COL14A1: variants seen among roughly 807,000 people sequenced by gnomAD.
The protein encoded by COL14A1 is collagen type XIV alpha 1 chain, also known as collagen alpha-1(XIV) chain.
COL14A1 carries 136 observed loss-of-function variants against 230.3 expected under a neutral mutation model. The ratio of observed to expected loss-of-function variants is 0.59; its 90% confidence interval spans 0.51 to 0.68. COL14A1 has a LOEUF of 0.68. Among genes scored for constraint, COL14A1 ranks in the 30% least tolerant of loss-of-function variants. COL14A1 has a pLI of 0.00. For missense variants in COL14A1, 1,976 were observed against 2,215.8 expected (o/e 0.89, Z 2.17); for synonymous variants, 792 against 784.1 (o/e 1.01, Z -0.17).
At chr8:120,349,754 A>T (rs7841660) in intron 45 of COL14A1, among the ~76,000 whole-genome samples, 1 of 100,324 alleles carries the variant, frequency 1.0e-5, no homozygotes, top group Non-Finnish European at 2.0e-5. Flanking sequence ...CCAAATCTAC[A>T]TCTGATTGGT....
rs1814280845 is a variant in COL14A1 at position 120,125,139 on chromosome 8, G to A, written c.-239G>A. 6.6e-6 allele frequency: 1 copy of A among 152,520 alleles called. No individual in the cohort carries two copies. 9.4% of individuals were successfully genotyped at this position (152,520 alleles called of 1,614,324 possible). On this transcript the variant is annotated 5_prime_UTR_variant, in exon 1 of 48. Transcript: ENST00000297848. ...TCCTGGGCTCCCAGCTGGAGAGGCG[G>A]AGGCAGCTCCAGGGGGCTGGAAGTG... is the stretch of plus-strand genomic sequence containing the variant.
chr8:120,317,577 A>T (rs984233618), intron 40 of COL14A1, among the ~76,000 whole-genome samples: 6 of 152,350 alleles, frequency 3.9e-5, no homozygotes, highest in African/African-American at 1.2e-4. Context: ...ACACACCTGG[A>T]TTCCTTCGTG....
intron 1 of COL14A1, among the ~76,000 whole-genome samples, chr8:120,130,596 C>A (rs373759583): frequency 1.3e-5 from 2 of 151,894 alleles, no homozygotes; most frequent in South Asian, 4.2e-4. Flanking sequence ...AGAAAGCCTA[C>A]GTGTACAAGG....
chr8:120,292,076 A>G (rs1324402423), intron 34 of COL14A1, among the ~76,000 whole-genome samples: 1 of 152,136 alleles, frequency 6.6e-6, no homozygotes, highest in Non-Finnish European at 1.5e-5. Context: ...CAATAGTCCC[A>G]TAATATATAT....
intron 26 of COL14A1, among the ~76,000 whole-genome samples, chr8:120,275,213 G>A (rs1440602470): frequency 3.3e-5 from 5 of 151,652 alleles, no homozygotes; most frequent in Admixed American, 1.3e-4. Flanking sequence ...AACTGATCTT[G>A]GACAAAACAT....
chr8:120,366,932 A>G (rs1823422608), intron 45 of COL14A1, among the ~76,000 whole-genome samples: 1 of 152,200 alleles, frequency 6.6e-6, no homozygotes, highest in South Asian at 2.1e-4. Flanking sequence ...AGAAAGAGAG[A>G]CTGGCAGAAT....
At chr8:120,323,731 G>A (rs577995294) in intron 40 of COL14A1, among the ~76,000 whole-genome samples, 5 of 152,176 alleles carry the variant, frequency 3.3e-5, no homozygotes, top group Non-Finnish European at 5.9e-5. Context: ...AGTTGTTGGT[G>A]TGTGGTCTTA....
chr8:120,228,871 C>A (rs1818172717), intron 18 of COL14A1, 102 bp downstream of exon 18: 22 of 1,004,768 alleles, frequency 2.2e-5, no homozygotes, highest in Admixed American at 4.0e-5. Flanking sequence ...AAAGAGATGA[C>A]CCTCCCTTCC....
At chr8:120,335,303 A>T (rs1234865102) in intron 42 of COL14A1, among the ~76,000 whole-genome samples, 1 of 152,184 alleles carries the variant, frequency 6.6e-6, no homozygotes, top group Admixed American at 6.5e-5. Context: ...CTTGTTCATA[A>T]TGTTATTTTT....
At chr8:120,135,055 C>T (rs971058359) in intron 1 of COL14A1, among the ~76,000 whole-genome samples, 6 of 151,872 alleles carry the variant, frequency 4.0e-5, no homozygotes, top group Admixed American at 1.3e-4. Context: ...GAGAGTTCAC[C>T]GAACAAAAGA....
At chr8:120,173,569 A>ATCTATCTATCTATCTATCTATCTG (rs1816163805) in intron 5 of COL14A1, among the ~76,000 whole-genome samples, 1 of 150,980 alleles carries the variant, frequency 6.6e-6, no homozygotes, top group Non-Finnish European at 1.5e-5. Flanking sequence ...TCAATCATCT[A>ATCTATCTATCTATCTATCTATCTG]TCTATCTATC....
chr8:120,166,240 C>G (rs975042021), intron 4 of COL14A1, among the ~76,000 whole-genome samples: 1 of 152,152 alleles, frequency 6.6e-6, no homozygotes, highest in Admixed American at 6.5e-5. Context: ...AGGCAGATAT[C>G]TGGATTAACC....
chr8:120,229,409 A>G (rs183547101), intron 18 of COL14A1, among the ~76,000 whole-genome samples: 3 of 151,568 alleles, frequency 2.0e-5, no homozygotes, highest in African/African-American at 7.3e-5. Context: ...ATGATTTCCA[A>G]TTTCATCCAT....
chr8:120,173,168 T>C (rs1354499525), intron 5 of COL14A1, among the ~76,000 whole-genome samples: 3 of 152,178 alleles, frequency 2.0e-5, no homozygotes, highest in Non-Finnish European at 4.4e-5. Flanking sequence ...CACATTTGTT[T>C]TTCTTTTCAT....
chr8:120,326,406 T>C (rs755972626), intron 40 of COL14A1, among the ~76,000 whole-genome samples: 6 of 152,226 alleles, frequency 3.9e-5, no homozygotes, highest in Admixed American at 1.3e-4. Context: ...TTCATCATTG[T>C]CTACCTAGAG....
At chr8:120,255,109 G>A (rs112002790) in intron 22 of COL14A1, 131 bp from the exon 23 acceptor site, 2 of 723,716 alleles carry the variant, frequency 2.8e-6, no homozygotes, top group East Asian at 4.9e-5. Context: ...CTAACTCATT[G>A]TAAATTGATG....
At chr8:120,204,943 T>A (rs962958449) in intron 9 of COL14A1, among the ~76,000 whole-genome samples, 7 of 152,086 alleles carry the variant, frequency 4.6e-5, no homozygotes, top group Non-Finnish European at 8.8e-5. Flanking sequence ...TACCATCTGC[T>A]GGGGATGAAT....
rs562938148 is a variant in COL14A1 at position 120,296,099 on chromosome 8, T to A, written c.4237-1412T>A. On this transcript the variant is annotated intron_variant, in intron 34 of 47. Coordinates refer to ENST00000297848, the MANE Select transcript of COL14A1 (RefSeq NM_021110.4). ...AAACTTAATTTTTTATTGGACATAA[T>A]TTTTGTTTGTTTGTTTGCCCTGGAC... Among the ~76,000 whole-genome samples, 22 of 152,022 alleles carry A rather than the reference T, an allele frequency of 1.4e-4. No individual in the cohort carries two copies. The East Asian group carries it at 4.3e-3, about 29-fold the overall frequency.
At chr8:120,257,090 A>G (rs1230203764) in intron 23 of COL14A1, among the ~76,000 whole-genome samples, 1 of 152,220 alleles carries the variant, frequency 6.6e-6, no homozygotes, top group African/African-American at 2.4e-5. Flanking sequence ...GATTTGTCTG[A>G]TAATACTGAA....
Sources: allele counts gnomAD v4.1 joint callset (sites outside exome capture counted in the v4.1 genomes callset), GRCh38; gene constraint gnomAD v4.1.1; transcripts MANE v1.5; gene names NCBI Gene and HGNC (gene_info 2026-07-23, HGNC 2026-07-21).